PMPCB: variants seen among roughly 807,000 people sequenced by gnomAD.
PMPCB encodes the protein mitochondrial-processing peptidase subunit beta.
In PMPCB, 46 loss-of-function variants were observed where a neutral mutation model predicts 61.5. The observed-to-expected ratio is 0.75, with a 90% CI of 0.59 to 0.96. PMPCB has a LOEUF of 0.96. Among genes scored for constraint, PMPCB ranks in the 40% least tolerant of loss-of-function variants. The probability of loss-of-function intolerance (pLI) is 0.00; values close to 1 mark genes in which losing one functional copy is unlikely to be tolerated. For missense variants in PMPCB, 590 were observed against 602.4 expected (o/e 0.98, Z 0.22); for synonymous variants, 191 against 201.6 (o/e 0.95, Z 0.44).
chr7:103,322,383 C>A (rs1336455370), intron 12 of PMPCB: 1 of 1,000,840 alleles, frequency 1.0e-6, no homozygotes, highest in Non-Finnish European at 1.4e-6. Flanking sequence ...GGTCATGATT[C>A]ATTCACAGTA....
intron 6 of PMPCB, among the ~76,000 whole-genome samples, chr7:103,306,385 T>C (rs1450298525): frequency 6.7e-6 from 1 of 150,126 alleles, no homozygotes; most frequent in Non-Finnish European, 1.5e-5. Context: ...CTGAGTTCTT[T>C]TTTTTTTTTT....
chr7:103,325,320 C>T (rs1818645198), intron 12 of PMPCB, among the ~76,000 whole-genome samples: 1 of 152,048 alleles, frequency 6.6e-6, no homozygotes, highest in South Asian at 2.1e-4. Flanking sequence ...GCCTGTAGTC[C>T]CAGCTACTCA....
Position 103,312,996 on chromosome 7 carries a change from G to A in PMPCB, c.*725G>A. 6.2e-7 allele frequency: 1 copy of A among 1,613,958 alleles called. No individual in the cohort carries two copies. The highest frequency in any genetic ancestry group is 8.5e-7 in the Non-Finnish European group (1 of 1,179,928). On this transcript the variant is annotated 3_prime_UTR_variant, in exon 13 of 13. Transcript: ENST00000249269. ...CTTTGTCCTGCCAGGCACCGCTTCT[G>A]CTATTTTTTCCCATCTTTCAGGTGT...
At chr7:103,298,739 A>ACCGT (rs1817364631) in intron 2 of PMPCB, 31 bp downstream of exon 2, 1 of 1,596,994 alleles carries the variant, frequency 6.3e-7, no homozygotes, top group South Asian at 1.1e-5. Flanking sequence ...TCTCTAAGTG[A>ACCGT]CCCTTCATTT....
intron 12 of PMPCB, chr7:103,322,418 T>C (rs1173573446): frequency 8.0e-7 from 1 of 1,245,726 alleles, no homozygotes; most frequent in Non-Finnish European, 1.1e-6. Context: ...GCTTTCGAAT[T>C]ATAGTTTTTT....
chr7:103,304,576 C>G, intron 6 of PMPCB, 86 bp downstream of exon 6: 1 of 870,076 alleles, frequency 1.1e-6, no homozygotes, highest in South Asian at 1.3e-5. Flanking sequence ...GGGAGATACC[C>G]TAAGAATTTT....
the PMPCB span, among the ~76,000 whole-genome samples, chr7:103,342,158 TAATC>T: frequency 1.3e-5 from 2 of 152,186 alleles, no homozygotes; most frequent in Admixed American, 6.5e-5. Flanking sequence ...AAAGAGTATT[TAATC>T]AACCTCTTCC....
At chr7:103,322,545 T>C (rs781374896) in intron 12 of PMPCB, 1 of 1,557,552 alleles carries the variant, frequency 6.4e-7, no homozygotes, top group African/African-American at 1.4e-5. Flanking sequence ...CCGTTTAGCT[T>C]CTGCTTTTGC....
chr7:103,317,064 T>A, downstream of PMPCB: 1 of 1,480,312 alleles, frequency 6.8e-7, no homozygotes, highest in Non-Finnish European at 9.3e-7. Context: ...GTATTGCTAT[T>A]CTACACTCTC....
chr7:103,320,764 T>TATATATATATATATACAC (rs1818351694), intron 12 of PMPCB: 1 of 25,478 alleles, frequency 3.9e-5, no homozygotes, highest in East Asian at 1.3e-3. Flanking sequence ...TATATACACA[T>TATATATATATATATACAC]ATATATATAT....
At chr7:103,340,797 A>G in the PMPCB span, among the ~76,000 whole-genome samples, 1 of 152,226 alleles carries the variant, frequency 6.6e-6, no homozygotes, top group Non-Finnish European at 1.5e-5. Flanking sequence ...AATGACTTCA[A>G]AAAGTCTTTG....
rs763177905 is a variant in PMPCB at position 103,312,242 on chromosome 7, C to T, written c.1441C>T (p.Arg481Cys). The T allele has an allele frequency of 2.3e-5, 37 of 1,612,602 alleles. No individual in the cohort carries two copies. The Admixed American group carries it at 2.8e-4, about 12-fold the overall frequency. Reference sequence around the variant, plus strand: ...GCAACTACCAGATTTTAAACAGATACGCAGTAACATGTGTTGGCTTCGTGA... The same window carrying T: ...GCAACTACCAGATTTTAAACAGATATGCAGTAACATGTGTTGGCTTCGTGA... Reference protein sequence around the residue: ...IKQLPDFKQIRSNMCWLRD With the variant: ...IKQLPDFKQICSNMCWLRD Residue 481 changes from arginine (R) to cysteine (C), a missense_variant, in exon 13 of 13, where the codon CGC (arginine) becomes TGC (cysteine). Coordinates refer to ENST00000249269, the MANE Select transcript of PMPCB (RefSeq NM_004279.3).
In PMPCB at chr7:103,299,543, C is replaced by T; in HGVS notation, c.327+14C>T. The T allele has an allele frequency of 6.5e-7, 1 of 1,545,812 alleles. No homozygotes were observed. Among genetic ancestry groups the T allele is most frequent in the Non-Finnish European group, 8.9e-7 (1 of 1,122,502 alleles). On this transcript the variant is annotated intron_variant, in intron 3 of 12. Transcript: ENST00000249269. ...ATGGCTTTCAAGGCAAGTTGTAAGA[C>T]TTTACAAAAATGCACTCTCTTTAAG...
chr7:103,341,019 A>G, the PMPCB span, among the ~76,000 whole-genome samples: 7 of 152,170 alleles, frequency 4.6e-5, no homozygotes, highest in Admixed American at 3.9e-4. Context: ...ACCTCTGAAT[A>G]CTTCTCTTTG....
chr7:103,320,375 C>T (rs992553000), intron 12 of PMPCB, among the ~76,000 whole-genome samples: 7 of 152,030 alleles, frequency 4.6e-5, no homozygotes, highest in African/African-American at 7.2e-5. Context: ...TGTGAGCCAC[C>T]GCGCCCGGCT....
At chr7:103,316,876 A>G, downstream of PMPCB, 1 of 1,613,946 alleles carries the variant, frequency 6.2e-7, no homozygotes, top group Non-Finnish European at 8.5e-7. Flanking sequence ...TTAATTAGTA[A>G]TTGTAGATCA....
intron 6 of PMPCB, among the ~76,000 whole-genome samples, chr7:103,306,366 A>G (rs1284004842): frequency 1.4e-5 from 2 of 147,328 alleles, no homozygotes; most frequent in Admixed American, 6.7e-5. Context: ...AGATGACACT[A>G]TTTTGTTCCT....
chr7:103,321,802 C>T lies in PMPCB; in HGVS notation c.*1432-7129C>T, dbSNP rs567260271. On this transcript the variant is annotated intron_variant and NMD_transcript_variant, in intron 12 of 12. Transcript: ENST00000444457. ...GGCGGAAATTGCGGTGAACTGAGAT[C>T]GCGCCACTGCACTCCAGCCTGGGCG... The T allele has an allele frequency of 7.7e-5, 75 of 975,976 alleles. 1 individual carries two copies. The South Asian group carries it at 9.9e-4, about 13-fold the overall frequency. The allele number at this position is 975,976 out of a possible 1,614,324, so 60.5% of individuals were successfully genotyped here. A position where few individuals can be genotyped will look rare whatever the true frequency, so the allele number is the denominator to read the frequency against.
At chr7:103,337,971 A>T in the PMPCB span, among the ~76,000 whole-genome samples, 1 of 152,320 alleles carries the variant, frequency 6.6e-6, no homozygotes, top group Non-Finnish European at 1.5e-5. Context: ...GGTAAGGTTG[A>T]GAAATGTGGA....
Sources: allele counts gnomAD v4.1 joint callset (sites outside exome capture counted in the v4.1 genomes callset), GRCh38; gene constraint gnomAD v4.1.1; transcripts MANE v1.5; gene names NCBI Gene and HGNC (gene_info 2026-07-23, HGNC 2026-07-21).